MCUB: variants seen among roughly 807,000 people sequenced by gnomAD.
MCUB encodes the protein calcium uniporter regulatory subunit MCUb, mitochondrial.
In MCUB, 46 loss-of-function variants were observed where a neutral mutation model predicts 41.4. The observed-to-expected ratio is 1.11, with a 90% confidence interval of 0.88 to 1.42. The LOEUF (loss-of-function observed/expected upper bound fraction) is 1.42. MCUB is among the 40% of genes most tolerant of loss of function. MCUB has a pLI of 0.00. For missense variants in MCUB, 403 were observed against 404.9 expected (o/e 1.00, Z 0.04); for synonymous variants, 148 against 148.2 (o/e 1.00, Z 0.01).
At chr4:109,653,422 T>C (rs1348916999) in intron 1 of MCUB, among the ~76,000 whole-genome samples, 1 of 151,882 alleles carries the variant, frequency 6.6e-6, no homozygotes, top group Non-Finnish European at 1.5e-5. Flanking sequence ...TTTTCCAGAA[T>C]AGTTTTACCA....
chr4:109,687,732 C>T lies in MCUB; in HGVS notation c.*140C>T, dbSNP rs5030607. The T allele has an allele frequency of 1.8e-3, 1,135 of 618,360 alleles. 5 individuals are homozygous for T. Among genetic ancestry groups the T allele is most frequent in the African/African-American group, 0.018 (957 of 53,414 alleles). The allele number at this position is 618,360 out of a possible 1,614,324, so 38.3% of individuals were successfully genotyped here. A position where few individuals can be genotyped will look rare whatever the true frequency, so the allele number is the denominator to read the frequency against. On this transcript the variant is annotated 3_prime_UTR_variant, in exon 8 of 8. Transcript: ENST00000394650. ...TAAAACAGAAGTATTGTTTGAAGTT[C>T]TCAACTGAGATTTTTACTTTTTGGA...
At chr4:109,587,441 T>A (rs1727335730) in intron 1 of MCUB, among the ~76,000 whole-genome samples, 1 of 146,532 alleles carries the variant, frequency 6.8e-6, no homozygotes, top group Admixed American at 6.8e-5. Flanking sequence ...CTGCCCTGAT[T>A]CGGCTTGGCC....
chr4:109,611,772 T>A (rs1289034851), intron 1 of MCUB, among the ~76,000 whole-genome samples: 2 of 152,210 alleles, frequency 1.3e-5, no homozygotes, highest in Non-Finnish European at 2.9e-5. Context: ...AGTCCATTTC[T>A]TTTTATTGGT....
At chr4:109,605,559 C>T (rs1727851080) in intron 1 of MCUB, among the ~76,000 whole-genome samples, 1 of 152,144 alleles carries the variant, frequency 6.6e-6, no homozygotes, top group South Asian at 2.1e-4. Context: ...GTCCATAGTG[C>T]AGATTAAATC....
chr4:109,589,707 C>G (rs1006529702), intron 1 of MCUB, among the ~76,000 whole-genome samples: 3 of 152,176 alleles, frequency 2.0e-5, no homozygotes, highest in African/African-American at 7.2e-5. Context: ...CTCTCTCCTT[C>G]CTTTTAGATC....
chr4:109,583,133 A>C lies in MCUB; in HGVS notation c.99+22697A>C, dbSNP rs542638689. Among the ~76,000 whole-genome samples, 2 of 152,254 alleles carry C rather than the reference A, an allele frequency of 1.3e-5. 1 individual carries two copies. Among genetic ancestry groups the C allele is most frequent in the African/African-American group, 4.8e-5 (2 of 41,540 alleles). On this transcript the variant is annotated intron_variant, in intron 1 of 7. Transcript: ENST00000394650. ...TGATAGCTTGATGGGTATGGCATTG[A>C]ATCTATAAATTACCTTGGGCGGTAC...
At chr4:109,564,434 G>T (rs76975096) in intron 1 of MCUB, among the ~76,000 whole-genome samples, 3 of 152,052 alleles carry the variant, frequency 2.0e-5, no homozygotes, top group Middle Eastern at 3.2e-3. Flanking sequence ...CACTGCGCCC[G>T]GCTGGCTATA....
intron 1 of MCUB, among the ~76,000 whole-genome samples, chr4:109,619,482 C>T (rs1189532296): frequency 6.6e-6 from 1 of 152,088 alleles, no homozygotes; most frequent in East Asian, 1.9e-4. Flanking sequence ...TTGAGGCAGG[C>T]AGATCATGAG....
chr4:109,598,688 C>T (rs1011173404), intron 1 of MCUB, among the ~76,000 whole-genome samples: 2 of 152,052 alleles, frequency 1.3e-5, no homozygotes, highest in African/African-American at 4.8e-5. Context: ...ATGATCTGGG[C>T]CCTTGATTTT....
intron 4 of MCUB, among the ~76,000 whole-genome samples, chr4:109,680,868 C>T (rs917682346): frequency 5.9e-5 from 9 of 152,200 alleles, no homozygotes; most frequent in African/African-American, 2.2e-4. Context: ...GTTCTCTTAA[C>T]AGTGATAATG....
At chr4:109,658,107 C>T (rs1032765824) in intron 1 of MCUB, among the ~76,000 whole-genome samples, 3 of 152,192 alleles carry the variant, frequency 2.0e-5, no homozygotes, top group Non-Finnish European at 4.4e-5. Flanking sequence ...GGATTACAGG[C>T]GTGAGCCATC....
At chr4:109,582,232 A>G (rs1374625353) in intron 1 of MCUB, among the ~76,000 whole-genome samples, 2 of 151,968 alleles carry the variant, frequency 1.3e-5, no homozygotes, top group African/African-American at 4.8e-5. Flanking sequence ...TTGTAGGGAC[A>G]TGGATGAAGC....
intron 4 of MCUB, among the ~76,000 whole-genome samples, chr4:109,667,071 G>T (rs1472157853): frequency 1.3e-5 from 2 of 152,028 alleles, no homozygotes; most frequent in East Asian, 3.8e-4. Flanking sequence ...GTTTTTGTCT[G>T]GTTTTAGTAT....
chr4:109,573,513 G>T (rs771670793), intron 1 of MCUB, among the ~76,000 whole-genome samples: 4 of 152,116 alleles, frequency 2.6e-5, no homozygotes, highest in Non-Finnish European at 4.4e-5. Flanking sequence ...CTAGGAAAAG[G>T]TTGTTTCTCT....
At chr4:109,605,999 G>A (rs151219133) in intron 1 of MCUB, among the ~76,000 whole-genome samples, 3,904 of 151,956 alleles carry the variant, frequency 0.026, 130 homozygotes, top group South Asian at 0.075. Flanking sequence ...TTTTGAGACA[G>A]ACTCTCGCTC....
intron 3 of MCUB, among the ~76,000 whole-genome samples, chr4:109,663,505 A>G (rs1481759669): frequency 6.6e-6 from 1 of 152,070 alleles, no homozygotes; most frequent in Non-Finnish European, 1.5e-5. Flanking sequence ...AAAATAAACC[A>G]TACAATGCAA....
At chr4:109,560,646 C>T (rs1011302327) in intron 1 of MCUB, among the ~76,000 whole-genome samples, 1 of 152,134 alleles carries the variant, frequency 6.6e-6, no homozygotes, top group South Asian at 2.1e-4. Flanking sequence ...GACTCCGGGC[C>T]CGGGGAAGGT....
At chr4:109,633,802 C>A (rs952238480) in intron 1 of MCUB, among the ~76,000 whole-genome samples, 1 of 151,982 alleles carries the variant, frequency 6.6e-6, no homozygotes, top group African/African-American at 2.4e-5. Context: ...CCTTTGAGAC[C>A]GTGCTTGACA....
chr4:109,632,994 C>T (rs1728508374), intron 1 of MCUB, among the ~76,000 whole-genome samples: 2 of 151,980 alleles, frequency 1.3e-5, no homozygotes, highest in African/African-American at 4.8e-5. Flanking sequence ...AGCCCTGAGG[C>T]TGATATGCCA....
Sources: gnomAD v4.1 joint callset for allele counts (sites outside exome capture counted in the v4.1 genomes callset) on GRCh38, gnomAD v4.1.1 for gene constraint, MANE v1.5 for transcripts, NCBI Gene and HGNC (gene_info 2026-07-23, HGNC 2026-07-21) for gene names.